PKN2: variants seen among roughly 807,000 people sequenced by gnomAD.
PKN2 encodes the protein protein kinase N2.
PKN2 carries 38 observed loss-of-function variants against 119.1 expected under a neutral mutation model. The ratio of observed to expected loss-of-function variants is 0.32; its 90% CI spans 0.25 to 0.42. The LOEUF (loss-of-function observed/expected upper bound fraction) is 0.42, where lower values mean the gene tolerates loss of function less well. Ranked by LOEUF, PKN2 falls within the 10% of genes least tolerant of loss-of-function variation. The pLI, the probability that PKN2 is intolerant of heterozygous loss-of-function variation, is 1.00. For synonymous variants in PKN2, 390 were observed against 384.9 expected, an observed-to-expected ratio of 1.01 and a Z score of -0.15; for missense variants, 850 against 1,165.1, an observed-to-expected ratio of 0.73 and a Z score of 3.94.
Position 88,805,466 on chromosome 1 carries a change from T to C in PKN2, c.1502-31T>C. On this transcript the variant is annotated intron_variant, in intron 10 of 21. Coordinates refer to ENST00000370521, the MANE Select transcript of PKN2 (RefSeq NM_006256.4). ...TTTTGGTTATACATAAAGAAATTACTTGCTGTTTTTGTTTTTTTCAACATC... is the reference window on the plus strand; with the variant it reads ...TTTTGGTTATACATAAAGAAATTACCTGCTGTTTTTGTTTTTTTCAACATC... 3 of 1,520,264 alleles carry C rather than the reference T, an allele frequency of 2.0e-6. 1 individual carries two copies. The highest frequency in any genetic ancestry group is 2.5e-5 in the South Asian group (2 of 80,026). The allele number at this position is 1,520,264 out of a possible 1,614,324, so 94.2% of individuals were successfully genotyped here.
intron 19 of PKN2, among the ~76,000 whole-genome samples, chr1:88,831,061 C>T (rs932257264): frequency 6.6e-6 from 1 of 151,820 alleles, no homozygotes; most frequent in African/African-American, 2.4e-5. Flanking sequence ...AAACAAACAT[C>T]GCAAGTCCCC....
rs1330833667 is a variant in PKN2, at chr1:88,805,991, T to C, written c.1777T>C (p.Leu593=). The C allele has an allele frequency of 6.2e-7, 1 of 1,613,440 alleles. No individual in the cohort carries two copies. The highest frequency in any genetic ancestry group is 1.3e-5 in the African/African-American group (1 of 74,890). ...TGGAGAAATAGATGAATCTTCTGAATTAAGAGTTTTGGATATACCAGGACA... is the reference window on the plus strand; with the variant it reads ...TGGAGAAATAGATGAATCTTCTGAACTAAGAGTTTTGGATATACCAGGACA... ...SLGEIDESSE[L]RVLDIPGQDS... The change falls in exon 12 of 22, where the codon TTA becomes CTA. Residue 593 remains leucine, a synonymous_variant. Transcript: ENST00000370521.
intron 6 of PKN2, among the ~76,000 whole-genome samples, chr1:88,779,289 G>A (rs1265100887): frequency 1.3e-5 from 2 of 151,794 alleles, no homozygotes; most frequent in African/African-American, 4.8e-5. Context: ...CTTATTTGTA[G>A]TAAACCTTTG....
intron 19 of PKN2, among the ~76,000 whole-genome samples, chr1:88,832,112 T>G (rs1672751800): frequency 6.6e-6 from 1 of 151,996 alleles, no homozygotes; most frequent in Admixed American, 6.6e-5. Flanking sequence ...TGGGTTCCTT[T>G]CAGTCTAATT....
At chr1:88,758,747 T>G (rs1388082787) in intron 2 of PKN2, among the ~76,000 whole-genome samples, 3 of 152,174 alleles carry the variant, frequency 2.0e-5, no homozygotes, top group Admixed American at 1.3e-4. Flanking sequence ...TTCCATGGTG[T>G]GTGTGTGTGT....
intron 8 of PKN2, among the ~76,000 whole-genome samples, chr1:88,793,840 A>G (rs570856400): frequency 9.2e-5 from 14 of 152,336 alleles, no homozygotes; most frequent in Admixed American, 3.3e-4. Flanking sequence ...TTGACAAGAA[A>G]AAAAAGTCTA....
chr1:88,685,804 A>G (rs1414849541), intron 1 of PKN2, among the ~76,000 whole-genome samples: 1 of 152,200 alleles, frequency 6.6e-6, no homozygotes, highest in African/African-American at 2.4e-5. Flanking sequence ...TGAAGAGTTG[A>G]TGTCAAAATT....
intron 1 of PKN2, among the ~76,000 whole-genome samples, chr1:88,706,999 C>T (rs1220270261): frequency 2.0e-5 from 3 of 151,652 alleles, no homozygotes; most frequent in Non-Finnish European, 4.4e-5. Context: ...TTTTATATAT[C>T]TTGTCTGTTT....
At chr1:88,769,587 C>T (rs551110082) in intron 3 of PKN2, among the ~76,000 whole-genome samples, 10 of 151,860 alleles carry the variant, frequency 6.6e-5, no homozygotes, top group Non-Finnish European at 1.2e-4. Flanking sequence ...ATGGATTGTG[C>T]GATGTATATA....
chr1:88,735,489 C>T (rs1348096320), intron 1 of PKN2, among the ~76,000 whole-genome samples: 2 of 150,934 alleles, frequency 1.3e-5, no homozygotes, highest in Non-Finnish European at 2.9e-5. Context: ...TCTTGTAAGA[C>T]ATATCTGATG....
At chr1:88,758,373 CT>C (rs36111457) in intron 2 of PKN2, among the ~76,000 whole-genome samples, 6 of 150,668 alleles carry the variant, frequency 4.0e-5, no homozygotes, top group African/African-American at 1.2e-4. Flanking sequence ...ACATATTATG[CT>C]TTTTTTTTAA....
At chr1:88,717,068 G>A (rs1280333395) in intron 1 of PKN2, among the ~76,000 whole-genome samples, 1 of 151,978 alleles carries the variant, frequency 6.6e-6, no homozygotes. Context: ...TAGTTTGGCT[G>A]GATATGAAAT....
intron 2 of PKN2, among the ~76,000 whole-genome samples, chr1:88,747,103 G>T (rs1041525633): frequency 7.2e-5 from 11 of 152,130 alleles, no homozygotes; most frequent in African/African-American, 2.7e-4. Context: ...GAACTGGGGA[G>T]GGGGAGGATG....
intron 1 of PKN2, among the ~76,000 whole-genome samples, chr1:88,687,859 A>G (rs758347730): frequency 1.3e-5 from 2 of 152,234 alleles, no homozygotes; most frequent in Non-Finnish European, 2.9e-5. Context: ...GTACTAGAAG[A>G]TAATTATAAG....
intron 18 of PKN2, among the ~76,000 whole-genome samples, chr1:88,826,075 C>T (rs935774664): frequency 4.6e-5 from 7 of 152,152 alleles, no homozygotes; most frequent in Non-Finnish European, 8.8e-5. Flanking sequence ...TTTAGGAGCC[C>T]TTCTTCACTA....
intron 8 of PKN2, among the ~76,000 whole-genome samples, chr1:88,802,074 T>A (rs1671334436): frequency 6.6e-6 from 1 of 152,232 alleles, no homozygotes; most frequent in Admixed American, 6.5e-5. Context: ...TGTCCAGACA[T>A]GCTTGAGTAA....
At chr1:88,708,761 C>T (rs1248401259) in intron 1 of PKN2, among the ~76,000 whole-genome samples, 1 of 151,394 alleles carries the variant, frequency 6.6e-6, no homozygotes, top group Non-Finnish European at 1.5e-5. Context: ...CATGCCCGGC[C>T]CCTAAAACAC....
chr1:88,759,329 C>T (rs1250080898), intron 2 of PKN2, among the ~76,000 whole-genome samples: 1 of 152,208 alleles, frequency 6.6e-6, no homozygotes, highest in Non-Finnish European at 1.5e-5. Context: ...CGCCACTGCA[C>T]TCCAGGCTGG....
chr1:88,771,334 A>G, intron 4 of PKN2, 87 bp from the exon 5 acceptor site: 5 of 904,338 alleles, frequency 5.5e-6, no homozygotes, highest in East Asian at 2.5e-5. Flanking sequence ...GTAATGTTAT[A>G]GGAATTCATT....
Sources: gnomAD v4.1 joint callset for allele counts (sites outside exome capture counted in the v4.1 genomes callset) on GRCh38, gnomAD v4.1.1 for gene constraint, MANE v1.5 for transcripts, NCBI Gene and HGNC (gene_info 2026-07-23, HGNC 2026-07-21) for gene names.